The following CAMK1D variants were observed in gnomAD, a reference collection of about 807,000 sequenced individuals.
The protein encoded by CAMK1D is calcium/calmodulin-dependent protein kinase type 1D.
CAMK1D carries 9 observed loss-of-function variants against 47.7 expected under a neutral mutation model. The observed-to-expected ratio is 0.19, with a 90% CI of 0.11 to 0.33. The LOEUF (loss-of-function observed/expected upper bound fraction) is 0.33. Ranked by LOEUF, CAMK1D falls within the 10% of genes least tolerant of loss-of-function variation. The probability of loss-of-function intolerance (pLI) is 1.00; values close to 1 mark genes in which losing one functional copy is unlikely to be tolerated. For missense variants in CAMK1D, 291 were observed against 488.7 expected, an observed-to-expected ratio of 0.60 and a Z score of 3.81; for synonymous variants, 184 against 184.9, an observed-to-expected ratio of 0.99 and a Z score of 0.04.
chr10:12,787,305 G>A (rs532594832), intron 5 of CAMK1D, among the ~76,000 whole-genome samples: 84 of 152,332 alleles, frequency 5.5e-4, no homozygotes, highest in African/African-American at 1.9e-3. Context: ...CCCTTGATGT[G>A]TGGATTTCTA....
At chr10:12,699,406 T>G (rs919701680) in intron 3 of CAMK1D, among the ~76,000 whole-genome samples, 1 of 152,188 alleles carries the variant, frequency 6.6e-6, no homozygotes, top group African/African-American at 2.4e-5. Flanking sequence ...TTGTTTCCTG[T>G]TACAGTTCTT....
chr10:12,634,221 A>G (rs1839454121), intron 2 of CAMK1D, among the ~76,000 whole-genome samples: 1 of 152,198 alleles, frequency 6.6e-6, no homozygotes. Flanking sequence ...CTTGTGTCCT[A>G]GCATCGTCCT....
rs1470712131 is a variant in CAMK1D, at chr10:12,760,936, C to CT, written c.300-6dup. ...GATCCTTTCAAACTTCTAATATGTT[C>CT]TTTTTTGCCAGGGTGTCCGGTGGAG... is the stretch of plus-strand genomic sequence containing the variant. On this transcript the variant is annotated splice_polypyrimidine_tract_variant and intron_variant, in intron 3 of 10. Transcript: ENST00000619168. 1.2e-6 allele frequency: 2 copies of CT among 1,609,774 alleles called. No homozygotes were observed. The highest frequency in any genetic ancestry group is 2.7e-5 in the African/African-American group (2 of 74,816).
intron 3 of CAMK1D, among the ~76,000 whole-genome samples, chr10:12,720,564 T>G (rs1003645246): frequency 6.6e-6 from 1 of 152,224 alleles, no homozygotes; most frequent in African/African-American, 2.4e-5. Context: ...TAGATAAGAC[T>G]GTTGACACAT....
intron 1 of CAMK1D, among the ~76,000 whole-genome samples, chr10:12,483,849 G>A (rs1834135472): frequency 6.6e-6 from 1 of 152,076 alleles, no homozygotes; most frequent in South Asian, 2.1e-4. Flanking sequence ...ACCATGAGCA[G>A]CTAATTGTTG....
intron 1 of CAMK1D, among the ~76,000 whole-genome samples, chr10:12,488,784 A>G (rs1483757799): frequency 6.6e-6 from 1 of 152,046 alleles, no homozygotes; most frequent in Non-Finnish European, 1.5e-5. Context: ...GCAGTTCACA[A>G]TAGGGTTCAT....
chr10:12,479,787 A>C (rs1180141146), intron 1 of CAMK1D, among the ~76,000 whole-genome samples: 1 of 152,184 alleles, frequency 6.6e-6, no homozygotes, highest in Non-Finnish European at 1.5e-5. Flanking sequence ...GGGTGTACCA[A>C]GGCAAAGGGA....
chr10:12,471,983 T>C (rs1464717283), intron 1 of CAMK1D, among the ~76,000 whole-genome samples: 2 of 148,062 alleles, frequency 1.4e-5, no homozygotes, highest in East Asian at 4.0e-4. Context: ...TGCATTCAGC[T>C]ATGATTGCAC....
intron 5 of CAMK1D, among the ~76,000 whole-genome samples, chr10:12,787,663 G>C (rs370241792): frequency 1.2e-4 from 18 of 152,216 alleles, no homozygotes; most frequent in African/African-American, 4.3e-4. Context: ...CTGTTGCTTT[G>C]GGCTTCTTTC....
At chr10:12,387,445 T>TTATATATA (rs373637712) in intron 1 of CAMK1D, among the ~76,000 whole-genome samples, 12 of 66,648 alleles carry the variant, frequency 1.8e-4, no homozygotes, top group African/African-American at 3.4e-4. Context: ...TATATATATT[T>TTATATATA]TATATATATA....
chr10:12,437,292 A>G (rs898867546), intron 1 of CAMK1D, among the ~76,000 whole-genome samples: 2 of 152,214 alleles, frequency 1.3e-5, no homozygotes, highest in East Asian at 1.9e-4. Context: ...CCTGGGTTCA[A>G]GAGATTTTCC....
chr10:12,435,501 G>A (rs905548663), intron 1 of CAMK1D, among the ~76,000 whole-genome samples: 1 of 151,960 alleles, frequency 6.6e-6, no homozygotes, highest in Non-Finnish European at 1.5e-5. Flanking sequence ...AGGTAATACC[G>A]GCGGGCATCC....
intron 1 of CAMK1D, among the ~76,000 whole-genome samples, chr10:12,364,237 CTTTTTTTT>C (rs35224750): frequency 9.2e-4 from 60 of 65,340 alleles, no homozygotes; most frequent in Middle Eastern, 8.5e-3. Flanking sequence ...TGCGCATTCT[CTTTTTTTT>C]TTTTTTTTTT....
intron 2 of CAMK1D, among the ~76,000 whole-genome samples, chr10:12,627,899 G>A (rs1839267886): frequency 6.6e-6 from 1 of 152,000 alleles, no homozygotes; most frequent in Non-Finnish European, 1.5e-5. Flanking sequence ...CTAACATGGT[G>A]AAACCCCCTC....
At chr10:12,691,369 A>G (rs190471849) in intron 3 of CAMK1D, among the ~76,000 whole-genome samples, 2 of 9,542 alleles carry the variant, frequency 2.1e-4, no homozygotes, top group Non-Finnish European at 3.8e-4. Context: ...ATATATATAT[A>G]TATATATAAA....
chr10:12,678,769 G>A (rs901846699), intron 3 of CAMK1D, among the ~76,000 whole-genome samples: 3 of 151,978 alleles, frequency 2.0e-5, no homozygotes, highest in Admixed American at 6.6e-5. Context: ...TTATAATCAT[G>A]TTTTTAATCC....
chr10:12,793,043 C>T (rs1838051868), intron 6 of CAMK1D, among the ~76,000 whole-genome samples: 2 of 152,002 alleles, frequency 1.3e-5, no homozygotes, highest in Admixed American at 6.6e-5. Context: ...CCTGGGTAAG[C>T]AGACACTGGA....
At chr10:12,597,613 C>T (rs1290021497) in intron 2 of CAMK1D, among the ~76,000 whole-genome samples, 1 of 152,162 alleles carries the variant, frequency 6.6e-6, no homozygotes, top group African/African-American at 2.4e-5. Flanking sequence ...CCAGTTGTTC[C>T]CTCATTGAGG....
chr10:12,352,864 G>A (rs1837393083), intron 1 of CAMK1D, among the ~76,000 whole-genome samples: 2 of 151,406 alleles, frequency 1.3e-5, no homozygotes, highest in South Asian at 4.2e-4. Flanking sequence ...AGCCTCCCGA[G>A]TAACTGGGAC....
Sources: allele counts gnomAD v4.1 joint callset (sites outside exome capture counted in the v4.1 genomes callset), GRCh38; gene constraint gnomAD v4.1.1; transcripts MANE v1.5; gene names NCBI Gene and HGNC (gene_info 2026-07-23, HGNC 2026-07-21).